C1orf21: variants seen among roughly 807,000 people sequenced by gnomAD.
The protein encoded by C1orf21 is chromosome 1 open reading frame 21, also known as uncharacterized protein C1orf21.
C1orf21 carries 3 observed loss-of-function variants against 18.7 expected under a neutral mutation model. The observed-to-expected ratio is 0.16, with a 90% CI of 0.07 to 0.42. The LOEUF is 0.42. Among genes scored for constraint, C1orf21 ranks in the 10% least tolerant of loss-of-function variants. The pLI, the probability that C1orf21 is intolerant of heterozygous loss-of-function variation, is 0.99. For synonymous variants in C1orf21, 41 were observed against 46.4 expected (o/e 0.88, Z 0.47); for missense variants, 104 against 143.6 (o/e 0.72, Z 1.41).
At chr1:184,512,553 A>C (rs548593353) in intron 3 of C1orf21, among the ~76,000 whole-genome samples, 2 of 152,326 alleles carry the variant, frequency 1.3e-5, no homozygotes, top group South Asian at 4.1e-4. Flanking sequence ...ATCACTGCTT[A>C]ATGTCATATA....
chr1:184,503,980 C>A (rs1460010212), intron 2 of C1orf21, among the ~76,000 whole-genome samples: 1 of 152,166 alleles, frequency 6.6e-6, no homozygotes, highest in Non-Finnish European at 1.5e-5. Flanking sequence ...CAGAAGGGAT[C>A]TTACAGTTTT....
At chr1:184,475,734 GGTGTGTGTGTGTGT>G (rs10553261) in intron 1 of C1orf21, among the ~76,000 whole-genome samples, 26 of 138,142 alleles carry the variant, frequency 1.9e-4, no homozygotes, top group African/African-American at 4.8e-4. Flanking sequence ...AATGGAATAG[GGTGTGTGTGTGTGT>G]GTGTGTGTGT....
intron 2 of C1orf21, among the ~76,000 whole-genome samples, chr1:184,478,199 G>A (rs1011756554): frequency 3.9e-5 from 6 of 152,242 alleles, no homozygotes; most frequent in African/African-American, 1.4e-4. Flanking sequence ...GGGAGTGAGT[G>A]AGGATTTATA....
At chr1:184,461,560 G>A (rs910519049) in intron 1 of C1orf21, among the ~76,000 whole-genome samples, 2 of 152,166 alleles carry the variant, frequency 1.3e-5, no homozygotes, top group Non-Finnish European at 2.9e-5. Context: ...TGCATTTCCT[G>A]TCTTGTAGAT....
At chr1:184,407,089 C>T (rs1261944809) in intron 1 of C1orf21, among the ~76,000 whole-genome samples, 6 of 152,158 alleles carry the variant, frequency 3.9e-5, no homozygotes, top group Non-Finnish European at 7.3e-5. Flanking sequence ...TCCCACCTTG[C>T]TTTAGCCTCT....
intron 2 of C1orf21, among the ~76,000 whole-genome samples, chr1:184,479,769 G>A (rs115790471): frequency 2.6e-5 from 4 of 151,710 alleles, no homozygotes; most frequent in African/African-American, 4.8e-5. Context: ...CTACAGGCAC[G>A]TGCGCTCACA....
intron 1 of C1orf21, among the ~76,000 whole-genome samples, chr1:184,388,781 A>G (rs1655927007): frequency 6.6e-6 from 1 of 152,178 alleles, no homozygotes; most frequent in South Asian, 2.1e-4. Flanking sequence ...ATTGGAATGT[A>G]CCAGGATAGA....
At chr1:184,590,657 G>A (rs1571292495) in intron 3 of C1orf21, 82 bp from the exon 4 acceptor site, 15 of 1,381,546 alleles carry the variant, frequency 1.1e-5, no homozygotes, top group Middle Eastern at 2.0e-4. Flanking sequence ...CAGATTGAAC[G>A]TTTGTGTGAT....
chr1:184,417,611 C>G (rs1040215448), intron 1 of C1orf21, among the ~76,000 whole-genome samples: 5 of 152,192 alleles, frequency 3.3e-5, no homozygotes, highest in African/African-American at 1.2e-4. Context: ...AACTTTGCAT[C>G]TTTAAACTCA....
intron 5 of C1orf21, among the ~76,000 whole-genome samples, chr1:184,605,284 C>T (rs1046309713): frequency 6.6e-6 from 1 of 152,186 alleles, no homozygotes; most frequent in Non-Finnish European, 1.5e-5. Context: ...AGAAGGGTCC[C>T]ACTCTTGGTA....
intron 3 of C1orf21, among the ~76,000 whole-genome samples, chr1:184,550,831 C>T (rs1383580276): frequency 2.0e-5 from 3 of 152,140 alleles, no homozygotes; most frequent in Non-Finnish European, 4.4e-5. Context: ...GTTGCCGCAC[C>T]AGGCTGTCTT....
intron 3 of C1orf21, among the ~76,000 whole-genome samples, chr1:184,573,243 T>C (rs1252630627): frequency 2.0e-5 from 3 of 152,208 alleles, no homozygotes; most frequent in Non-Finnish European, 2.9e-5. Context: ...AAAATCTCTT[T>C]TAATATTATT....
intron 1 of C1orf21, among the ~76,000 whole-genome samples, chr1:184,408,000 C>T (rs1656276675): frequency 6.6e-6 from 1 of 152,142 alleles, no homozygotes; most frequent in African/African-American, 2.4e-5. Context: ...CCCTAACCTT[C>T]CACATCAGGG....
intron 3 of C1orf21, among the ~76,000 whole-genome samples, chr1:184,516,758 C>G (rs1371115719): frequency 6.6e-6 from 1 of 152,164 alleles, no homozygotes; most frequent in Non-Finnish European, 1.5e-5. Flanking sequence ...TAGGTCCCTC[C>G]CACAACACAT....
At chr1:184,534,696 A>C (rs1658520677) in intron 3 of C1orf21, among the ~76,000 whole-genome samples, 1 of 152,200 alleles carries the variant, frequency 6.6e-6, no homozygotes, top group Non-Finnish European at 1.5e-5. Context: ...GAAAATTAAG[A>C]CACGATCCCT....
chr1:184,420,811 GT>G (rs527553163), intron 1 of C1orf21, among the ~76,000 whole-genome samples: 70 of 147,004 alleles, frequency 4.8e-4, no homozygotes, highest in East Asian at 3.4e-3. Flanking sequence ...AAGCCCATGA[GT>G]TTTTTTTTTT....
chr1:184,427,555 G>T (rs533115194), intron 1 of C1orf21, among the ~76,000 whole-genome samples: 105 of 152,158 alleles, frequency 6.9e-4, no homozygotes, highest in Middle Eastern at 6.8e-3. Context: ...TCTTCAGCTG[G>T]GTGATCTTGG....
chr1:184,515,487 C>T (rs1011239448), intron 3 of C1orf21, among the ~76,000 whole-genome samples: 1 of 152,086 alleles, frequency 6.6e-6, no homozygotes, highest in Admixed American at 6.6e-5. Context: ...CACCGGGCGT[C>T]GTTACGTAGG....
intron 5 of C1orf21, among the ~76,000 whole-genome samples, chr1:184,600,546 C>T (rs910524200): frequency 1.3e-5 from 2 of 152,158 alleles, no homozygotes; most frequent in African/African-American, 2.4e-5. Context: ...AATCTGAGAT[C>T]CCCTTTTGCT....
Sources: allele counts gnomAD v4.1 joint callset (sites outside exome capture counted in the v4.1 genomes callset), GRCh38; gene constraint gnomAD v4.1.1; transcripts MANE v1.5; gene names NCBI Gene and HGNC (gene_info 2026-07-23, HGNC 2026-07-21).